Variants in PATL2 observed in about 807,000 individuals in gnomAD.
PATL2 encodes protein PAT1 homolog 2.
Under a neutral mutation model 77.0 loss-of-function variants are expected in PATL2, and 73 were observed. The observed-to-expected ratio is 0.95, with a 90% confidence interval of 0.78 to 1.15. The LOEUF (loss-of-function observed/expected upper bound fraction) is 1.15, where lower values mean the gene tolerates loss of function less well. Among genes scored for constraint, PATL2 ranks in the 50% most tolerant of loss-of-function variants. The pLI is 0.00. For synonymous variants in PATL2, 265 were observed against 257.1 expected (o/e 1.03, Z -0.29); for missense variants, 618 against 655.4 (o/e 0.94, Z 0.62).
At chr15:44,669,240 C>G in intron 13 of PATL2, 40 bp downstream of exon 13, 1 of 1,536,074 alleles carries the variant, frequency 6.5e-7, no homozygotes, top group Non-Finnish European at 8.8e-7. Context: ...TTTGCTGCTC[C>G]TTCCCTTCCT....
At chr15:44,693,197 T>C (rs1010401132) in intron 3 of PATL2, among the ~76,000 whole-genome samples, 8 of 152,244 alleles carry the variant, frequency 5.3e-5, no homozygotes, top group African/African-American at 1.7e-4. Flanking sequence ...TTTCTATTGC[T>C]GCTGTAACGA....
At chr15:44,701,697 T>C (rs1322239089) in intron 3 of PATL2, among the ~76,000 whole-genome samples, 11 of 89,368 alleles carry the variant, frequency 1.2e-4, no homozygotes, top group Admixed American at 1.2e-3. Flanking sequence ...AGACCCTGTC[T>C]CAAAAAAAAA....
At chr15:44,677,689 C>T (rs2086019270) in intron 3 of PATL2, among the ~76,000 whole-genome samples, 1 of 152,178 alleles carries the variant, frequency 6.6e-6, no homozygotes, top group Non-Finnish European at 1.5e-5. Flanking sequence ...AATTTCCCTA[C>T]ATCAAAAATG....
intron 3 of PATL2, among the ~76,000 whole-genome samples, chr15:44,682,646 A>T (rs1040228447): frequency 2.0e-5 from 3 of 152,250 alleles, no homozygotes; most frequent in Non-Finnish European, 4.4e-5. Flanking sequence ...CCAAGAAACA[A>T]ACCAGAATAT....
intron 11 of PATL2, 31 bp from the exon 12 acceptor site, chr15:44,669,594 ACACTGCCACTGC>A: frequency 6.5e-7 from 1 of 1,548,038 alleles, no homozygotes; most frequent in South Asian, 1.2e-5. Context: ...GCTATCAGCT[ACACTGCCACTGC>A]CACAGCCCTA....
chr15:44,671,647 T>C (rs755976911), intron 9 of PATL2, among the ~76,000 whole-genome samples: 17 of 152,204 alleles, frequency 1.1e-4, no homozygotes, highest in Non-Finnish European at 2.4e-4. Context: ...CCACTATTTA[T>C]AACATCCCTG....
At chr15:44,666,999 C>T in intron 16 of PATL2, 107 bp downstream of exon 16, 1 of 874,916 alleles carries the variant, frequency 1.1e-6, no homozygotes, top group South Asian at 1.6e-5. Flanking sequence ...TTTCTCTATC[C>T]AACCTCTTCC....
intron 2 of PATL2, among the ~76,000 whole-genome samples, 79 bp from the exon 3 acceptor site, chr15:44,710,293 C>G (rs755328827): frequency 6.6e-6 from 1 of 152,226 alleles, no homozygotes; most frequent in Non-Finnish European, 1.5e-5. Flanking sequence ...CAACTGAAAA[C>G]CATGGTGACT....
chr15:44,670,046 CT>C lies in PATL2; in HGVS notation c.698del (p.Glu233GlyfsTer15). The C allele has an allele frequency of 6.4e-7, 1 of 1,551,522 alleles. No homozygotes were observed. Among genetic ancestry groups the C allele is most frequent in the South Asian group, 1.2e-5 (1 of 84,018 alleles). ...CAACCCGGTTTCTTCGTCCAAGTAG[CT>C]CTTCGTCTGCCTGCTTCTTCTCTAG... is the stretch of plus-strand genomic sequence containing the variant. Reference protein sequence around the residue: ...QKLEKKQADEELLGRRNRVES... With the variant: ...QKLEKKQADEXLLGRRNRVES... On this transcript the variant is annotated frameshift_variant, in exon 10 of 18. Coordinates refer to ENST00000682850, the MANE Select transcript of PATL2 (RefSeq NM_001387263.1). LOFTEE classifies it high-confidence loss of function.
In PATL2 at chr15:44,672,339, C is replaced by T. The variant is rs985054234; in HGVS notation, c.515+49G>A. On this transcript the variant is annotated intron_variant, in intron 8 of 17. Coordinates refer to ENST00000682850, the MANE Select transcript of PATL2 (RefSeq NM_001387263.1). Reference sequence around the variant, plus strand: ...AGACAACTGGTCACAAGGGGAGACCCGGCATGCAAATGGGCTCCCCTCAAC... The same window carrying T: ...AGACAACTGGTCACAAGGGGAGACCTGGCATGCAAATGGGCTCCCCTCAAC... The T allele has an allele frequency of 1.9e-5, 29 of 1,535,440 alleles. 2 individuals carry two copies. The highest frequency in any genetic ancestry group is 9.6e-5 in the South Asian group (8 of 83,558).
intron 3 of PATL2, among the ~76,000 whole-genome samples, chr15:44,694,665 A>G (rs2086465255): frequency 6.6e-6 from 1 of 152,154 alleles, no homozygotes; most frequent in Non-Finnish European, 1.5e-5. Context: ...AGTCAAGGAA[A>G]CTTACAAGCT....
At chr15:44,689,409 C>T (rs1249579659) in intron 3 of PATL2, among the ~76,000 whole-genome samples, 8 of 152,182 alleles carry the variant, frequency 5.3e-5, no homozygotes, top group African/African-American at 1.9e-4. Flanking sequence ...GACACATGCA[C>T]AGCTATGTTT....
At chr15:44,680,159 C>A (rs1175548058) in intron 3 of PATL2, among the ~76,000 whole-genome samples, 1 of 152,188 alleles carries the variant, frequency 6.6e-6, no homozygotes, top group African/African-American at 2.4e-5. Flanking sequence ...ACCCTGTTCA[C>A]ACCTTGGTGA....
Position 44,670,723 on chromosome 15 carries a change from C to T in PATL2, c.658-636G>A, listed in dbSNP as rs116806915. Among the ~76,000 whole-genome samples the T allele has an allele frequency of 7.1e-3, 1,081 of 152,324 alleles. 14 individuals are homozygous for T. The highest frequency in any genetic ancestry group is 0.024 in the African/African-American group (1,005 of 41,564). On this transcript the variant is annotated intron_variant, in intron 9 of 17. Coordinates refer to ENST00000682850, the MANE Select transcript of PATL2 (RefSeq NM_001387263.1). ...AGCAAACCTGTTCCAGCGTCTGTAACCTTCCTGCATTCCTCATGCTCTAGT... is the reference window on the plus strand; with the variant it reads ...AGCAAACCTGTTCCAGCGTCTGTAATCTTCCTGCATTCCTCATGCTCTAGT...
rs1291337558 is a variant in PATL2 at position 44,672,140 on chromosome 15, G to T, written c.532C>A (p.Pro178Thr). The T allele has an allele frequency of 8.4e-6, 13 of 1,551,690 alleles. No homozygotes were observed. The highest frequency in any genetic ancestry group is 1.1e-5 in the Non-Finnish European group (13 of 1,146,994). ...SQTPSPPAKKPWSQQPDPYAN... is the reference protein window; with the variant it reads ...SQTPSPPAKKTWSQQPDPYAN... ...TAGGGGTCTGGCTGCTGAGACCAAGGCTTCTTGGCTGGGGGACTTTAAGCC... is the reference window on the plus strand; with the variant it reads ...TAGGGGTCTGGCTGCTGAGACCAAGTCTTCTTGGCTGGGGGACTTTAAGCC... The change falls in exon 9 of 18, where the codon CCT becomes ACT. Residue 178 changes from proline to threonine, a missense_variant. Coordinates refer to ENST00000682850, the MANE Select transcript of PATL2 (RefSeq NM_001387263.1).
chr15:44,698,962 T>C (rs192136845), intron 3 of PATL2, among the ~76,000 whole-genome samples: 5 of 152,326 alleles, frequency 3.3e-5, no homozygotes, highest in Non-Finnish European at 5.9e-5. Context: ...TGATATCTCA[T>C]TGTAGTTTTG....
In PATL2 at chr15:44,710,088, A is replaced by G. The variant is rs959277049; in HGVS notation, c.-76+8T>C. On this transcript the variant is annotated splice_region_variant and intron_variant, in intron 3 of 17. Coordinates refer to ENST00000682850, the MANE Select transcript of PATL2 (RefSeq NM_001387263.1). ...TATAGCGCTTATTAAACACTACAGA[A>G]CACTTACTATGTACCAGGCATTGTG... 6.6e-6 allele frequency among the ~76,000 whole-genome samples: 1 copy of G among 152,172 alleles called. No homozygotes were observed. The highest frequency in any genetic ancestry group is 1.5e-5 in the Non-Finnish European group (1 of 68,026).
chr15:44,702,665 T>A (rs2086653440), intron 3 of PATL2, among the ~76,000 whole-genome samples: 1 of 152,110 alleles, frequency 6.6e-6, no homozygotes, highest in Admixed American at 6.5e-5. Flanking sequence ...CTTCTCTGTA[T>A]CCCATAGGTT....
chr15:44,685,965 T>A (rs1422740789), intron 3 of PATL2, among the ~76,000 whole-genome samples: 18 of 148,526 alleles, frequency 1.2e-4, no homozygotes, highest in South Asian at 2.1e-4. Flanking sequence ...AGTGGGAGAC[T>A]TTAACACCCC....
Sources: allele counts gnomAD v4.1 joint callset (sites outside exome capture counted in the v4.1 genomes callset), GRCh38; gene constraint gnomAD v4.1.1; transcripts MANE v1.5; gene names NCBI Gene and HGNC (gene_info 2026-07-23, HGNC 2026-07-21).